MYO1C: variants seen among roughly 807,000 people sequenced by gnomAD.
MYO1C encodes unconventional myosin-Ic.
In MYO1C, 104 loss-of-function variants were observed where a neutral mutation model predicts 150.8. That is an observed-to-expected ratio of 0.69 (90% confidence interval 0.59 to 0.81). The LOEUF (loss-of-function observed/expected upper bound fraction) is 0.81. Among genes scored for constraint, MYO1C ranks in the 30% least tolerant of loss-of-function variants. The pLI, the probability that MYO1C is intolerant of heterozygous loss-of-function variation, is 0.00. For missense variants in MYO1C, 1,504 were observed against 1,435.0 expected (o/e 1.05, Z -0.78); for synonymous variants, 663 against 579.9 (o/e 1.14, Z -2.06).
intron 5 of MYO1C, among the ~76,000 whole-genome samples, chr17:1,481,555 C>T (rs1396056957): frequency 2.0e-5 from 3 of 152,034 alleles, no homozygotes; most frequent in Non-Finnish European, 4.4e-5. Context: ...GGCTGGAGTG[C>T]AGTAGTGCAA....
Position 1,468,549 on chromosome 17 carries a change from G to A in MYO1C, c.2611-53C>T, listed in dbSNP as rs550128840. 496 of 1,455,318 alleles carry A rather than the reference G, an allele frequency of 3.4e-4. 1 individual carries two copies. The highest frequency in any genetic ancestry group is 1.1e-3 in the East Asian group (47 of 44,052). The allele number at this position is 1,455,318 out of a possible 1,614,324, so 90.2% of individuals were successfully genotyped here. A position where few individuals can be genotyped will look rare whatever the true frequency, so the allele number is the denominator to read the frequency against. On this transcript the variant is annotated intron_variant, in intron 25 of 31. Transcript: ENST00000648651. The stretch of plus-strand genomic sequence containing the variant: ...TGTCATGGTGGGGAGCACCATCTTG[G>A]GGGGGCAGAGCCAGCCTTAGGACCT...
At chr17:1,469,767 G>T (rs1002465622) in intron 24 of MYO1C, among the ~76,000 whole-genome samples, 153 bp from the exon 25 acceptor site, 2 of 152,210 alleles carry the variant, frequency 1.3e-5, no homozygotes, top group African/African-American at 4.8e-5. Flanking sequence ...GGGCGCGGTG[G>T]CTCACGCCTG....
intron 19 of MYO1C, 33 bp downstream of exon 19, chr17:1,471,874 C>T: frequency 1.2e-6 from 2 of 1,604,562 alleles, no homozygotes. Context: ...CTCCCGCTCC[C>T]CTTCCCTGGC....
intron 14 of MYO1C, among the ~76,000 whole-genome samples, chr17:1,475,387 C>G (rs1455322597): frequency 6.6e-6 from 1 of 151,122 alleles, no homozygotes; most frequent in African/African-American, 2.5e-5. Context: ...CCACTACACT[C>G]CAAAAAAAAA....
chr17:1,482,393 G>A lies in MYO1C; in HGVS notation c.627+85C>T, dbSNP rs957506410. 18 of 1,226,474 alleles carry A rather than the reference G, an allele frequency of 1.5e-5. 1 individual carries two copies. The highest frequency in any genetic ancestry group is 6.8e-5 in the Admixed American group (4 of 59,126). The allele number at this position is 1,226,474 out of a possible 1,614,324, so 76.0% of individuals were successfully genotyped here. A position where few individuals can be genotyped will look rare whatever the true frequency, so the allele number is the denominator to read the frequency against. On this transcript the variant is annotated intron_variant, in intron 5 of 31. Coordinates refer to ENST00000648651, the MANE Select transcript of MYO1C (RefSeq NM_001080779.2). ...TTTGACTGCTGGAATTGCAGCACCT[G>A]GAATAGTCCCTGGTACCCAGTAGGT...
At chr17:1,491,854 C>G (rs2074739194) in intron 1 of MYO1C, among the ~76,000 whole-genome samples, 1 of 151,944 alleles carries the variant, frequency 6.6e-6, no homozygotes, top group Non-Finnish European at 1.5e-5. Context: ...GCGCGCGCCC[C>G]TCCGGCCGAA....
At chr17:1,482,763 C>CTGGT (rs2074555421) in intron 4 of MYO1C, 98 bp downstream of exon 4, 1 of 336,940 alleles carries the variant, frequency 3.0e-6, no homozygotes, top group Admixed American at 4.0e-5. Context: ...TCCCCTCCCA[C>CTGGT]ACTAGCCTTC....
At chr17:1,471,553 G>C (rs2074303680) in intron 19 of MYO1C, among the ~76,000 whole-genome samples, 1 of 152,204 alleles carries the variant, frequency 6.6e-6, no homozygotes, top group East Asian at 1.9e-4. Flanking sequence ...AATTCAGTTT[G>C]ACCCCCCAGG....
intron 1 of MYO1C, chr17:1,484,886 A>AACCCCCCCCCCCCC: frequency 2.1e-5 from 1 of 47,912 alleles, no homozygotes; most frequent in Non-Finnish European, 3.6e-5. Context: ...ACCCAGACCC[A>AACCCCCCCCCCCCC]CCCCCACCTC....
chr17:1,491,767 TCAGCCCCGGCC>T, intron 1 of MYO1C: 1 of 549,856 alleles, frequency 1.8e-6, no homozygotes, highest in Non-Finnish European at 2.3e-6. Flanking sequence ...CCGCCCCGCC[TCAGCCCCGGCC>T]GCGTCCGCGA....
rs140577952 is a variant in MYO1C at position 1,478,646 on chromosome 17, G to A, written c.1182C>T (p.Val394=). 2.7e-5 allele frequency: 43 copies of A among 1,614,134 alleles called. No homozygotes were observed. The highest frequency in any genetic ancestry group is 1.6e-4 in the Middle Eastern group (1 of 6,062). The part of the protein sequence containing the change: ...AVYSRTFTWL[V]GKINRSLASK... ...AGGCCAGCGACCTGTTGATCTTCCC[G>A]ACGAGCCAGGTAAAAGTGCGGCTGT... The change falls in exon 10 of 32, where the codon GTC becomes GTT. Residue 394 remains valine, a synonymous_variant. Transcript: ENST00000648651. This position sits in a 1 kb window ranked among gnomAD's most constrained non-coding sequence, Gnocchi z 6.3.
At chr17:1,492,333 C>G (rs1000102327) in intron 1 of MYO1C, 80 bp downstream of exon 1, 1 of 1,431,498 alleles carries the variant, frequency 7.0e-7, no homozygotes, top group African/African-American at 1.4e-5. Flanking sequence ...AGCTCTTGCC[C>G]GAGGGCTCGC....
intron 25 of MYO1C, chr17:1,469,264 G>C (rs1356203596): frequency 1.2e-5 from 6 of 504,258 alleles, no homozygotes; most frequent in Non-Finnish European, 2.2e-5. Flanking sequence ...AAATACAGTA[G>C]ATTGCGGTAA....
rs749003254 is a variant in MYO1C, at chr17:1,478,567, C to T, written c.1212+49G>A. On this transcript the variant is annotated intron_variant, in intron 10 of 31. Coordinates refer to ENST00000648651, the MANE Select transcript of MYO1C (RefSeq NM_001080779.2). The surrounding 1 kb of genome is among the most constrained non-coding windows in gnomAD (Gnocchi z 6.3). Reference sequence around the variant, plus strand: ...CCACCCTGCAGCACCCCCCGCCTCGCCGACGGCCCTCCCTTCTGCCTTGGG... The same window carrying T: ...CCACCCTGCAGCACCCCCCGCCTCGTCGACGGCCCTCCCTTCTGCCTTGGG... 22 of 1,613,894 alleles carry T rather than the reference C, an allele frequency of 1.4e-5. No individual in the cohort carries two copies. Among genetic ancestry groups the T allele is most frequent in the Non-Finnish European group, 1.9e-5 (22 of 1,179,922 alleles).
At position 1,479,167 on chromosome 17, in the gene MYO1C, G is replaced by A. The variant is rs1021265374; in HGVS notation, c.1092+264C>T. 1.3e-5 allele frequency among the ~76,000 whole-genome samples: 2 copies of A among 152,036 alleles called. No individual in the cohort carries two copies. Among genetic ancestry groups the A allele is most frequent in the East Asian group, 3.9e-4 (2 of 5,192 alleles). ...CCGCCACCATGCCCGGCTAATTTTT[G>A]TATTCTTAGTAGATGGGGTTTCACC... On this transcript the variant is annotated intron_variant, in intron 9 of 31. Coordinates refer to ENST00000648651, the MANE Select transcript of MYO1C (RefSeq NM_001080779.2). This position sits in a 1 kb window ranked among gnomAD's most constrained non-coding sequence, Gnocchi z 4.2.
intron 1 of MYO1C, 128 bp downstream of exon 1, chr17:1,492,285 C>G (rs1350739038): frequency 2.2e-6 from 2 of 902,822 alleles, no homozygotes; most frequent in East Asian, 2.6e-5. Context: ...TCAGTCTGTT[C>G]TGGCCCCGCC....
In MYO1C at chr17:1,468,275, G is replaced by T; in HGVS notation, c.2738C>A (p.Ala913Asp). The change falls in exon 27 of 32, where the codon GCC becomes GAC. Residue 913 changes from alanine to aspartate, a missense_variant. By Grantham distance (126) the Ala-to-Asp change is moderately radical. Transcript: ENST00000648651. ...TDEISPRVLQ[A>D]LGSEPIQYAV... ...TACCTGAATGGGCTCAGAGCCCAAGGCCTGCAGCACTCGGGGGCTGATCTC... is the reference window on the plus strand; with the variant it reads ...TACCTGAATGGGCTCAGAGCCCAAGTCCTGCAGCACTCGGGGGCTGATCTC... 1 of 1,613,786 alleles carries T rather than the reference G, an allele frequency of 6.2e-7. No homozygotes were observed. Among genetic ancestry groups the T allele is most frequent in the Non-Finnish European group, 8.5e-7 (1 of 1,179,988 alleles).
At position 1,479,248 on chromosome 17, in the gene MYO1C, C is replaced by T. The variant is rs1026383850; in HGVS notation, c.1092+183G>A. ...CCTCAGGTGACCTGCCCACCTCAGCCTCCCCAAGTGCTGGGGTTACAGGCG... is the reference window on the plus strand; with the variant it reads ...CCTCAGGTGACCTGCCCACCTCAGCTTCCCCAAGTGCTGGGGTTACAGGCG... On this transcript the variant is annotated intron_variant, in intron 9 of 31. Coordinates refer to ENST00000648651, the MANE Select transcript of MYO1C (RefSeq NM_001080779.2). The surrounding 1 kb of genome is among the most constrained non-coding windows in gnomAD (Gnocchi z 4.2). Among the ~76,000 whole-genome samples the T allele has an allele frequency of 3.3e-5, 5 of 152,238 alleles. No individual in the cohort carries two copies. The highest frequency in any genetic ancestry group is 5.9e-5 in the Non-Finnish European group (4 of 68,042).
chr17:1,469,722 T>TG, intron 24 of MYO1C, 108 bp from the exon 25 acceptor site: 1 of 926,124 alleles, frequency 1.1e-6, no homozygotes, highest in Non-Finnish European at 1.7e-6. Context: ...CCCCTCCATC[T>TG]GGAGACGCTT....
Sources: gnomAD v4.1 joint callset for allele counts (sites outside exome capture counted in the v4.1 genomes callset) on GRCh38, gnomAD v4.1.1 for gene constraint, Gnocchi (gnomAD v3.1) non-coding constraint, MANE v1.5 for transcripts, NCBI Gene and HGNC (gene_info 2026-07-23, HGNC 2026-07-21) for gene names.